Variants in HIPK2 observed in about 807,000 individuals in gnomAD.
HIPK2 encodes the protein homeodomain-interacting protein kinase 2.
A neutral mutation model predicts 113.7 loss-of-function variants in HIPK2; 27 were observed. The observed-to-expected ratio is 0.24, with a 90% CI of 0.17 to 0.33. The LOEUF (loss-of-function observed/expected upper bound fraction) is 0.33, where lower values mean the gene tolerates loss of function less well. HIPK2 is among the 10% of genes least tolerant of loss of function. The pLI is 1.00. For synonymous variants in HIPK2, 631 were observed against 642.2 expected, an observed-to-expected ratio of 0.98 and a Z score of 0.26; for missense variants, 1,257 against 1,588.0, an observed-to-expected ratio of 0.79 and a Z score of 3.54.
At chr7:139,776,100 A>G (rs188835973) in intron 1 of HIPK2, among the ~76,000 whole-genome samples, 21 of 152,282 alleles carry the variant, frequency 1.4e-4, no homozygotes, top group African/African-American at 4.3e-4. Flanking sequence ...AACGCCCGAC[A>G]TGGGTTCTCC....
chr7:139,626,923 T>C lies in HIPK2; in HGVS notation c.1435-138A>G, dbSNP rs1009869387. On this transcript the variant is annotated intron_variant, in intron 5 of 14. Coordinates refer to ENST00000406875, the MANE Select transcript of HIPK2 (RefSeq NM_022740.5). ...TCAGTTCCCAGGAACTCTGCCCCTA[T>C]GGGAGGCACCACCCACATGTTGTCA... is the stretch of plus-strand genomic sequence containing the variant. 8 of 889,924 alleles carry C rather than the reference T, an allele frequency of 9.0e-6. No individual in the cohort carries two copies. In the East Asian group the frequency reaches 1.5e-4, roughly 16 times the overall value. The allele number at this position is 889,924 out of a possible 1,614,324, so 55.1% of individuals were successfully genotyped here.
chr7:139,772,322 C>T (rs1796665284), intron 1 of HIPK2, among the ~76,000 whole-genome samples: 1 of 152,184 alleles, frequency 6.6e-6, no homozygotes, highest in Non-Finnish European at 1.5e-5. Flanking sequence ...TGCAAGAGTC[C>T]ACTCGCAACA....
intron 2 of HIPK2, among the ~76,000 whole-genome samples, chr7:139,698,516 G>A (rs962914743): frequency 1.3e-5 from 2 of 152,170 alleles, no homozygotes; most frequent in African/African-American, 4.8e-5. Flanking sequence ...CTATGCTTAC[G>A]TTTTTGACGA....
chr7:139,637,140 G>A (rs1405350237), intron 2 of HIPK2, among the ~76,000 whole-genome samples: 4 of 152,210 alleles, frequency 2.6e-5, no homozygotes, highest in Non-Finnish European at 5.9e-5. Flanking sequence ...CCGCAGCAGT[G>A]GCGCTGGTCA....
At chr7:139,620,296 A>G (rs1047063816) in intron 7 of HIPK2, 105 bp downstream of exon 7, 9 of 1,468,694 alleles carry the variant, frequency 6.1e-6, no homozygotes, top group African/African-American at 5.6e-5. Context: ...GTTGTTGAAC[A>G]TGACAGCAGG....
At chr7:139,593,844 C>T (rs1282190892) in intron 12 of HIPK2, among the ~76,000 whole-genome samples, 2 of 152,208 alleles carry the variant, frequency 1.3e-5, no homozygotes, top group Non-Finnish European at 2.9e-5. Flanking sequence ...AGCTGGGACA[C>T]AGAAGGGCTG....
intron 2 of HIPK2, among the ~76,000 whole-genome samples, chr7:139,663,265 C>T (rs1401002443): frequency 6.6e-6 from 1 of 152,194 alleles, no homozygotes; most frequent in Non-Finnish European, 1.5e-5. Context: ...ATGCTTACAG[C>T]CATGGATTCA....
At chr7:139,589,082 C>G (rs1238431103) in intron 12 of HIPK2, among the ~76,000 whole-genome samples, 1 of 152,152 alleles carries the variant, frequency 6.6e-6, no homozygotes, top group Non-Finnish European at 1.5e-5. Context: ...CCAAATGTGT[C>G]CTGGGAGCTG....
chr7:139,705,886 C>T (rs531366072), intron 2 of HIPK2, among the ~76,000 whole-genome samples: 26 of 151,642 alleles, frequency 1.7e-4, no homozygotes, highest in African/African-American at 5.3e-4. Flanking sequence ...GTGCCAGGCA[C>T]GGGTTGAGCA....
At chr7:139,712,664 A>C (rs986969073) in intron 2 of HIPK2, among the ~76,000 whole-genome samples, 6 of 152,220 alleles carry the variant, frequency 3.9e-5, no homozygotes, top group Non-Finnish European at 8.8e-5. Flanking sequence ...TTTCTGGGAC[A>C]TGGGCCTTAA....
intron 2 of HIPK2, among the ~76,000 whole-genome samples, chr7:139,637,426 G>A (rs1800850384): frequency 6.6e-6 from 1 of 152,198 alleles, no homozygotes; most frequent in East Asian, 1.9e-4. Flanking sequence ...CCATTTGCAA[G>A]AGTACCTGGA....
chr7:139,709,499 C>A (rs1465577779), intron 2 of HIPK2, among the ~76,000 whole-genome samples: 1 of 152,162 alleles, frequency 6.6e-6, no homozygotes, highest in Non-Finnish European at 1.5e-5. Flanking sequence ...TTAGAATATG[C>A]TCTGTTCTCT....
intron 2 of HIPK2, among the ~76,000 whole-genome samples, chr7:139,636,797 T>C (rs747182347): frequency 4.6e-5 from 7 of 152,346 alleles, no homozygotes; most frequent in Non-Finnish European, 7.4e-5. Context: ...ACTCGCTCCA[T>C]AGGTTTAAAT....
intron 5 of HIPK2, among the ~76,000 whole-genome samples, chr7:139,628,004 G>A (rs970073364): frequency 6.6e-6 from 1 of 152,164 alleles, no homozygotes; most frequent in Non-Finnish European, 1.5e-5. Context: ...GGTCATACTC[G>A]ATTAGGGTGG....
intron 2 of HIPK2, among the ~76,000 whole-genome samples, chr7:139,653,772 G>A (rs1054050658): frequency 4.0e-5 from 6 of 151,456 alleles, no homozygotes; most frequent in Middle Eastern, 6.8e-3. Context: ...TCGCTCTGTC[G>A]CCCAGGCTGG....
chr7:139,740,921 C>T (rs936708758), intron 1 of HIPK2, among the ~76,000 whole-genome samples: 3 of 152,120 alleles, frequency 2.0e-5, no homozygotes, highest in East Asian at 1.9e-4. Context: ...CTGAGATGGG[C>T]GGATCACTTG....
At chr7:139,636,707 T>C (rs1258065909) in intron 2 of HIPK2, among the ~76,000 whole-genome samples, 5 of 152,140 alleles carry the variant, frequency 3.3e-5, no homozygotes, top group African/African-American at 7.2e-5. Context: ...GTTGACACCT[T>C]GATTTTGGAT....
Position 139,695,333 on chromosome 7 carries a change from G to T in HIPK2, c.1103+20599C>A, listed in dbSNP as rs1324706472. ...TCAGAACGGAGGGTTAGGCCTCACC[G>T]GAACTGCACGACTACTGTGTGGCCC... On this transcript the variant is annotated intron_variant, in intron 2 of 14. Coordinates refer to ENST00000406875, the MANE Select transcript of HIPK2 (RefSeq NM_022740.5). Among the ~76,000 whole-genome samples, 3 of 152,286 alleles carry T rather than the reference G, an allele frequency of 2.0e-5. No individual in the cohort carries two copies. In the East Asian group the frequency reaches 5.8e-4, roughly 29 times the overall value.
rs145753600 is a variant in HIPK2, at chr7:139,570,285, G to C, written c.*2642C>G. The C allele has an allele frequency of 1.3e-5, 2 of 151,964 alleles. No individual in the cohort carries two copies. Among genetic ancestry groups the C allele is most frequent in the Admixed American group, 6.6e-5 (1 of 15,152 alleles). 9.4% of individuals were successfully genotyped at this position (151,964 alleles called of 1,614,324 possible). A position where few individuals can be genotyped will look rare whatever the true frequency, so the allele number is the denominator to read the frequency against. ...CCAGGCTGACCCAGCTGTGGGGCGG[G>C]GGGGGGTCCTCTGGCTTCTGTGTCC... On this transcript the variant is annotated 3_prime_UTR_variant, in exon 15 of 15. Coordinates refer to ENST00000406875, the MANE Select transcript of HIPK2 (RefSeq NM_022740.5).
Sources: allele counts gnomAD v4.1 joint callset (sites outside exome capture counted in the v4.1 genomes callset), GRCh38; gene constraint gnomAD v4.1.1; transcripts MANE v1.5; gene names NCBI Gene and HGNC (gene_info 2026-07-23, HGNC 2026-07-21).